Variants in CPS1 observed in about 807,000 individuals in gnomAD.
CPS1 encodes carbamoyl-phosphate synthase 1, also known as carbamoyl-phosphate synthase [ammonia], mitochondrial.
A neutral mutation model predicts 174.6 loss-of-function variants in CPS1; 109 were observed. The ratio of observed to expected loss-of-function variants is 0.62; its 90% CI spans 0.53 to 0.73. CPS1 has a LOEUF of 0.73. CPS1 is among the 30% of genes least tolerant of loss of function. The probability of loss-of-function intolerance (pLI) is 0.00; values close to 1 mark genes in which losing one functional copy is unlikely to be tolerated. For missense variants in CPS1, 1,689 were observed against 1,821.9 expected (o/e 0.93, Z 1.33); for synonymous variants, 637 against 632.0 (o/e 1.01, Z -0.12).
chr2:210,656,574 C>T lies in CPS1; in HGVS notation c.3608C>T (p.Ser1203Leu), dbSNP rs149518280. Residue 1203 changes from serine (S) to leucine (L), a missense_variant, in exon 30 of 38, where the codon TCG (serine) becomes TTG (leucine). By Grantham distance (145) the Ser-to-Leu change is moderately radical. Coordinates refer to ENST00000233072, the MANE Select transcript of CPS1 (RefSeq NM_001875.5). ...SEHVEDAGVH[S>L]GDATLMLPTQ... ...CATGTTGAAGATGCAGGTGTCCACT[C>T]GGGAGATGCCACTCTGATGCTGCCC... 2.5e-6 allele frequency: 4 copies of T among 1,609,572 alleles called. No individual in the cohort carries two copies. Among genetic ancestry groups the T allele is most frequent in the African/African-American group, 1.4e-5 (1 of 73,280 alleles).
intron 1 of CPS1, among the ~76,000 whole-genome samples, chr2:210,525,732 G>T (rs1695954800): frequency 3.3e-5 from 5 of 151,450 alleles, no homozygotes; most frequent in Admixed American, 2.6e-4. Flanking sequence ...GCTGGGCTGA[G>T]CCTTAGGAAA....
chr2:210,674,037 A>AC (rs1192637219), intron 34 of CPS1: 2 of 152,208 alleles, frequency 1.3e-5, no homozygotes, highest in African/African-American at 4.8e-5. Context: ...TTTAGAGCTC[A>AC]TTCTTTAGCT....
intron 16 of CPS1, 125 bp downstream of exon 16, chr2:210,602,455 C>A: frequency 8.1e-7 from 1 of 1,230,062 alleles, no homozygotes; most frequent in Non-Finnish European, 1.2e-6. Flanking sequence ...TCATGTTCTC[C>A]AAAAGCGTAT....
At chr2:210,481,895 C>T (rs1259528229) in intron 1 of CPS1, among the ~76,000 whole-genome samples, 3 of 152,196 alleles carry the variant, frequency 2.0e-5, no homozygotes, top group Admixed American at 2.0e-4. Context: ...CCTGTGATTG[C>T]CTTGTGGGAT....
chr2:210,490,614 G>T (rs1694850900), intron 1 of CPS1, among the ~76,000 whole-genome samples: 3 of 152,202 alleles, frequency 2.0e-5, no homozygotes, highest in Admixed American at 2.0e-4. Flanking sequence ...GACATTTATT[G>T]GTCTAGTTAA....
At chr2:210,676,222 T>A (rs1701529634) in intron 36 of CPS1, among the ~76,000 whole-genome samples, 1 of 152,248 alleles carries the variant, frequency 6.6e-6, no homozygotes, top group Admixed American at 6.5e-5. Context: ...TGTTGAGCAC[T>A]TACTACATAC....
In CPS1 at chr2:210,592,970, A is replaced by G; in HGVS notation, c.1164+14A>G. On this transcript the variant is annotated intron_variant, in intron 11 of 37. Transcript: ENST00000233072. ...ATAGACACTGAGGTACGTCAAAAAG[A>G]TGAGGCCTATTATGTATGCAAAAAA... 6.2e-7 allele frequency: 1 copy of G among 1,607,162 alleles called. No individual in the cohort carries two copies. The highest frequency in any genetic ancestry group is 8.5e-7 in the Non-Finnish European group (1 of 1,174,324).
chr2:210,559,810 G>T (rs1380482111), intron 1 of CPS1, among the ~76,000 whole-genome samples: 1 of 152,110 alleles, frequency 6.6e-6, no homozygotes, highest in African/African-American at 2.4e-5. Context: ...TAGTGCAAAT[G>T]ATGACTGATT....
At chr2:210,495,457 A>G (rs1162037058) in intron 1 of CPS1, among the ~76,000 whole-genome samples, 2 of 152,334 alleles carry the variant, frequency 1.3e-5, no homozygotes, top group East Asian at 3.9e-4. Context: ...TGATGTCTAA[A>G]TTAATGCAAA....
intron 30 of CPS1, among the ~76,000 whole-genome samples, chr2:210,657,970 A>G (rs953266427): frequency 6.6e-6 from 1 of 152,038 alleles, no homozygotes; most frequent in Non-Finnish European, 1.5e-5. Context: ...TTGCTGAACC[A>G]CTCTTGTGAG....
At chr2:210,618,264 A>G (rs1699382803) in intron 21 of CPS1, 1 of 152,060 alleles carries the variant, frequency 6.6e-6, no homozygotes, top group African/African-American at 2.4e-5. Flanking sequence ...TGGCATAAAT[A>G]TATTTGTAAA....
At position 210,559,824 on chromosome 2, in the gene CPS1, T is replaced by C. The variant is rs942415426; in HGVS notation, c.126+2965T>C. Among the ~76,000 whole-genome samples, 5 of 152,156 alleles carry C rather than the reference T, an allele frequency of 3.3e-5. No individual in the cohort carries two copies. The East Asian group carries it at 9.6e-4, about 29-fold the overall frequency. ...ATAGTGCAAATGATGACTGATTTAC[T>C]TGACAAATTATGTGATTGTCACACA... is the stretch of plus-strand genomic sequence containing the variant. On this transcript the variant is annotated intron_variant, in intron 1 of 37. Coordinates refer to ENST00000233072, the MANE Select transcript of CPS1 (RefSeq NM_001875.5).
At chr2:210,479,549 G>C (rs923988868) in intron 1 of CPS1, among the ~76,000 whole-genome samples, 4 of 152,096 alleles carry the variant, frequency 2.6e-5, no homozygotes, top group African/African-American at 7.2e-5. Context: ...GGCTGGTCTT[G>C]AACTCCTGAC....
rs1317061797 is a variant in CPS1, at chr2:210,599,398, G to A, written c.1386G>A (p.Met462Ile). Residue 462 changes from methionine to isoleucine, a missense_variant, in exon 14 of 38, where the codon ATG (methionine) becomes ATA (isoleucine). Physicochemically the swap from Met to Ile is conservative, Grantham distance 10 (BLOSUM62 1). Transcript: ENST00000233072. The stretch of plus-strand genomic sequence containing the variant: ...AAGAAAATGTCAAAACTGTTCTGAT[G>A]AACCCAAACATTGCATCAGTCCAGA... ...MKEENVKTVL[M>I]NPNIASVQTN... 1 of 1,612,240 alleles carries A rather than the reference G, an allele frequency of 6.2e-7. No homozygotes were observed. Among genetic ancestry groups the A allele is most frequent in the Non-Finnish European group, 8.5e-7 (1 of 1,178,948 alleles).
At chr2:210,533,805 CCAGA>C (rs780369945) in intron 1 of CPS1, among the ~76,000 whole-genome samples, 2 of 152,096 alleles carry the variant, frequency 1.3e-5, no homozygotes, top group Non-Finnish European at 2.9e-5. Flanking sequence ...GGATCATGCA[CCAGA>C]CAGTGGCCTA....
At chr2:210,675,419 A>G (rs1344783082) in intron 35 of CPS1, among the ~76,000 whole-genome samples, 1 of 152,238 alleles carries the variant, frequency 6.6e-6, no homozygotes, top group Non-Finnish European at 1.5e-5. Context: ...GGAATTAGCC[A>G]TGAATAATTG....
intron 25 of CPS1, among the ~76,000 whole-genome samples, chr2:210,647,647 C>T (rs965277098): frequency 6.6e-6 from 1 of 152,156 alleles, no homozygotes; most frequent in Non-Finnish European, 1.5e-5. Flanking sequence ...ATGATATTCA[C>T]GTGTACTTGT....
chr2:210,627,719 C>G (rs1699738223), intron 21 of CPS1, among the ~76,000 whole-genome samples: 1 of 152,160 alleles, frequency 6.6e-6, no homozygotes, highest in South Asian at 2.1e-4. Flanking sequence ...CCCTCACCAC[C>G]TCAAAGTGTG....
chr2:210,612,044 C>A, intron 19 of CPS1, 73 bp from the exon 20 acceptor site: 2 of 1,283,556 alleles, frequency 1.6e-6, no homozygotes, highest in Non-Finnish European at 2.2e-6. Flanking sequence ...ATATATTTTA[C>A]GTCCAGTTCA....
Sources: allele counts gnomAD v4.1 joint callset (sites outside exome capture counted in the v4.1 genomes callset), GRCh38; gene constraint gnomAD v4.1.1; transcripts MANE v1.5; gene names NCBI Gene and HGNC (gene_info 2026-07-23, HGNC 2026-07-21).